Variants in ZNF717 observed in about 807,000 individuals in gnomAD.
ZNF717 encodes zinc finger protein 717.
A neutral mutation model predicts 13.8 loss-of-function variants in ZNF717; 9 were observed. The ratio of observed to expected loss-of-function variants is 0.65; its 90% CI spans 0.39 to 1.14. ZNF717 has a LOEUF of 1.14. Ranked by LOEUF, ZNF717 falls within the 50% of genes most tolerant of loss-of-function variation. The pLI is 0.01. For synonymous variants in ZNF717, 327 were observed against 364.1 expected, an observed-to-expected ratio of 0.90 and a Z score of 1.16; for missense variants, 1,040 against 1,080.7, an observed-to-expected ratio of 0.96 and a Z score of 0.53.
At chr3:75,777,058 T>C (rs1241310322) in intron 2 of ZNF717, among the ~76,000 whole-genome samples, 1 of 152,244 alleles carries the variant, frequency 6.6e-6, no homozygotes, top group Non-Finnish European at 1.5e-5. Flanking sequence ...TGGTGCACTG[T>C]ACTTCCTCAA....
At chr3:75,756,937 A>T (rs1942543918) in intron 2 of ZNF717, among the ~76,000 whole-genome samples, 2 of 152,350 alleles carry the variant, frequency 1.3e-5, no homozygotes, top group South Asian at 4.1e-4. Flanking sequence ...CGGCCTCCCA[A>T]AGTGCTGGGA....
At chr3:75,739,437 G>A in intron 4 of ZNF717, 92 bp from the exon 5 acceptor site, 5 of 926,114 alleles carry the variant, frequency 5.4e-6, no homozygotes, top group African/African-American at 3.4e-5. Flanking sequence ...TCCTATCTCA[G>A]TGGAGTAAGA....
chr3:75,741,635 C>G lies in ZNF717; in HGVS notation c.159G>C (p.Glu53Asp), dbSNP rs767709298. The G allele has an allele frequency of 8.1e-6, 13 of 1,605,816 alleles. No homozygotes were observed. Among genetic ancestry groups the G allele is most frequent in the Non-Finnish European group, 1.1e-5 (13 of 1,174,662 alleles). ...QRTLYRDVML[E>D]TYSSLVSLGH... Reference sequence around the variant, plus strand: ...CCAATGATACCAGGCTGCTGTAGGTCTCCAGCATCACGTCCCTGTACAGGG... The same window carrying G: ...CCAATGATACCAGGCTGCTGTAGGTGTCCAGCATCACGTCCCTGTACAGGG... Residue 53 changes from glutamate (E) to aspartate (D), a missense_variant, in exon 3 of 5, where the codon GAG becomes GAC. Around this residue, in one of 3 missense-constraint regions of ZNF717, gnomAD observed 123 missense variants for 177.8 expected, o/e 0.69. Transcript: ENST00000652011.
At chr3:75,723,458 A>T (rs563394702) in intron 4 of ZNF717, among the ~76,000 whole-genome samples, 332 of 152,356 alleles carry the variant, frequency 2.2e-3, no homozygotes, top group Non-Finnish European at 3.7e-3. Flanking sequence ...AATAAAGAAA[A>T]TATATAGAAT....
chr3:75,762,153 A>G (rs1344754907), intron 2 of ZNF717, among the ~76,000 whole-genome samples: 2 of 152,030 alleles, frequency 1.3e-5, no homozygotes, highest in Non-Finnish European at 2.9e-5. Context: ...AAAGAATGAC[A>G]TTTGGCCAGG....
chr3:75,742,952 T>C (rs1404113886), intron 2 of ZNF717, among the ~76,000 whole-genome samples: 3 of 152,224 alleles, frequency 2.0e-5, no homozygotes, highest in Non-Finnish European at 2.9e-5. Flanking sequence ...AACATGTATA[T>C]CACAATAGTC....
chr3:75,758,016 G>C (rs1434826981), intron 2 of ZNF717, among the ~76,000 whole-genome samples: 1 of 150,916 alleles, frequency 6.6e-6, no homozygotes, highest in Non-Finnish European at 1.5e-5. Flanking sequence ...TACTTGGGAG[G>C]CTGAGGCAGG....
At chr3:75,771,511 G>C (rs112559657) in intron 2 of ZNF717, among the ~76,000 whole-genome samples, 2 of 152,200 alleles carry the variant, frequency 1.3e-5, no homozygotes. Context: ...TAGGGCCTCC[G>C]GAGCGATAGT....
intron 5 of ZNF717, among the ~76,000 whole-genome samples, chr3:75,712,803 A>G (rs1453692048): frequency 6.6e-6 from 1 of 152,148 alleles, no homozygotes; most frequent in Non-Finnish European, 1.5e-5. Context: ...TGCTGAATCA[A>G]TATTTTGAAA....
intron 4 of ZNF717, among the ~76,000 whole-genome samples, chr3:75,723,687 C>T (rs1156363700): frequency 1.3e-5 from 2 of 152,228 alleles, no homozygotes; most frequent in South Asian, 2.1e-4. Context: ...CGGACACAGC[C>T]ACCAGAGGGC....
rs1302243541 is a variant in ZNF717, at chr3:75,738,525, G to C, written c.1098C>G (p.Pro366=). ...LHERTHTGDK[P]YKCIECGKTF... is the part of the protein sequence containing the mutation. ...TTTTTCCACATTCAATACATTTGTA[G>C]GGTTTATCCCCTGTGTGAGTTCTCT... The change falls in exon 5 of 5, where the codon CCC becomes CCG. Residue 366 remains proline (P), a synonymous_variant. Coordinates refer to ENST00000652011, the MANE Select transcript of ZNF717 (RefSeq NM_001290208.3). 1.9e-6 allele frequency: 3 copies of C among 1,541,644 alleles called. No homozygotes were observed. The highest frequency in any genetic ancestry group is 2.6e-6 in the Non-Finnish European group (3 of 1,139,790).
chr3:75,780,711 T>C (rs1944746820), intron 2 of ZNF717, among the ~76,000 whole-genome samples: 2 of 152,256 alleles, frequency 1.3e-5, no homozygotes, highest in Admixed American at 6.5e-5. Context: ...AAAGGAGGAA[T>C]TTTTTAAGCA....
At position 75,772,064 on chromosome 3, in the gene ZNF717, G is replaced by T. The variant is rs1943936362; in HGVS notation, c.57+11242C>A. On this transcript the variant is annotated intron_variant, in intron 2 of 4. Coordinates refer to ENST00000652011, the MANE Select transcript of ZNF717 (RefSeq NM_001290208.3). ...GGAGGGAGGTTGAGGTGGGGCTAAG[G>T]ATGGCTCAGCACTGGCCTGCAGGCA... 2.6e-5 allele frequency among the ~76,000 whole-genome samples: 4 copies of T among 152,254 alleles called. No homozygotes were observed. In the South Asian group the frequency reaches 8.3e-4, roughly 31 times the overall value.
chr3:75,754,713 C>T (rs1942320281), intron 2 of ZNF717, among the ~76,000 whole-genome samples: 1 of 151,916 alleles, frequency 6.6e-6, no homozygotes, highest in African/African-American at 2.4e-5. Flanking sequence ...GACTGTGGGA[C>T]AACTACAAAA....
chr3:75,733,444 G>A (rs2918507), downstream of ZNF717, among the ~76,000 whole-genome samples: 53,808 of 149,540 alleles, frequency 0.36, 5,541 homozygotes, highest in South Asian at 0.51. Flanking sequence ...GAAACCAAAG[G>A]TGGAGTGGAC....
intron 2 of ZNF717, among the ~76,000 whole-genome samples, chr3:75,761,191 G>C (rs575563955): frequency 2.3e-3 from 344 of 152,282 alleles, no homozygotes; most frequent in African/African-American, 7.8e-3. Flanking sequence ...AACTTCACTG[G>C]AGAATTTTAC....
At chr3:75,745,262 T>A (rs1941031487) in intron 2 of ZNF717, among the ~76,000 whole-genome samples, 1 of 151,904 alleles carries the variant, frequency 6.6e-6, no homozygotes, top group East Asian at 2.0e-4. Flanking sequence ...GGGACAAACA[T>A]TCAGACCAAT....
intron 2 of ZNF717, among the ~76,000 whole-genome samples, chr3:75,743,242 A>G (rs1443726871): frequency 6.6e-6 from 1 of 152,244 alleles, no homozygotes; most frequent in Non-Finnish European, 1.5e-5. Context: ...AAGACAATGT[A>G]ATGCTACATA....
chr3:75,764,015 C>G (rs796549581), intron 2 of ZNF717, among the ~76,000 whole-genome samples: 1 of 149,376 alleles, frequency 6.7e-6, no homozygotes, highest in East Asian at 2.0e-4. Context: ...CTAGACTACT[C>G]GTGAGGCTAA....
Sources: gnomAD v4.1 joint callset for allele counts (sites outside exome capture counted in the v4.1 genomes callset) on GRCh38, gnomAD v4.1.1 for gene constraint, gnomAD v4.1.1 regional missense constraint, MANE v1.5 for transcripts, NCBI Gene and HGNC (gene_info 2026-07-23, HGNC 2026-07-21) for gene names.